The following MICU1 variants were observed in gnomAD, a reference collection of about 807,000 sequenced individuals.
MICU1 encodes mitochondrial calcium uptake 1.
In MICU1, 45 loss-of-function variants were observed where a neutral mutation model predicts 56.8. The observed-to-expected ratio is 0.79, with a 90% CI of 0.62 to 1.02. MICU1 has a LOEUF of 1.02. Ranked by LOEUF, MICU1 falls within the 50% of genes least tolerant of loss-of-function variation. MICU1 has a pLI of 0.00. For synonymous variants in MICU1, 186 were observed against 195.1 expected (o/e 0.95, Z 0.39); for missense variants, 504 against 587.1 (o/e 0.86, Z 1.46).
chr10:72,504,405 G>A (rs1032614186), intron 6 of MICU1, among the ~76,000 whole-genome samples: 3 of 152,088 alleles, frequency 2.0e-5, no homozygotes, highest in African/African-American at 4.8e-5. Context: ...AAATGGTGCA[G>A]AGATAACTAG....
At chr10:72,511,889 T>C (rs1190955206) in intron 5 of MICU1, among the ~76,000 whole-genome samples, 1 of 152,130 alleles carries the variant, frequency 6.6e-6, no homozygotes, top group Non-Finnish European at 1.5e-5. Context: ...CCCTAGCTGA[T>C]TGGGTGGTGC....
chr10:72,604,487 G>C (rs1249781061), intron 1 of MICU1, among the ~76,000 whole-genome samples: 2 of 151,546 alleles, frequency 1.3e-5, no homozygotes, highest in Non-Finnish European at 2.9e-5. Context: ...TGGTCAGGCT[G>C]GTCTCAAACT....
intron 5 of MICU1, chr10:72,532,997 T>C (rs1403595770): frequency 7.8e-7 from 1 of 1,287,030 alleles, no homozygotes; most frequent in Non-Finnish European, 1.0e-6. Flanking sequence ...GATCCTGCCT[T>C]TTCCAGCCAC....
intron 3 of MICU1, among the ~76,000 whole-genome samples, chr10:72,553,313 A>C (rs1394334361): frequency 1.3e-5 from 2 of 150,318 alleles, no homozygotes; most frequent in Non-Finnish European, 3.0e-5. Context: ...GGCTCACTGC[A>C]AGCTCTACCT....
chr10:72,373,280 A>T (rs1862408205), intron 11 of MICU1, among the ~76,000 whole-genome samples: 1 of 151,938 alleles, frequency 6.6e-6, no homozygotes, highest in African/African-American at 2.4e-5. Context: ...CCTGGGCTCA[A>T]GTGATCCTCA....
intron 1 of MICU1, among the ~76,000 whole-genome samples, chr10:72,622,439 A>G (rs1842127868): frequency 6.6e-6 from 1 of 152,116 alleles, no homozygotes; most frequent in South Asian, 2.1e-4. Context: ...CTAGCCACAC[A>G]AAGCATTCCA....
chr10:72,534,345 T>C (rs1839570670), intron 4 of MICU1, among the ~76,000 whole-genome samples: 1 of 152,184 alleles, frequency 6.6e-6, no homozygotes, highest in Non-Finnish European at 1.5e-5. Context: ...TAAGTGACTA[T>C]ATTCGGTGGC....
At chr10:72,544,652 T>C (rs1444984882) in intron 4 of MICU1, among the ~76,000 whole-genome samples, 2 of 152,140 alleles carry the variant, frequency 1.3e-5, no homozygotes, top group Admixed American at 6.5e-5. Context: ...GTTACTGCAA[T>C]AGCAAGCACC....
chr10:72,421,377 C>T lies in MICU1; in HGVS notation c.1071+1857G>A, dbSNP rs190142047. On this transcript the variant is annotated intron_variant, in intron 9 of 11. Transcript: ENST00000361114. ...GCACCCTCCCTTCCCCGGGTTCAAG[C>T]GATTCTCCTGCCTCAGCCTCCTGAG... Among the ~76,000 whole-genome samples the T allele has an allele frequency of 8.8e-3, 1,332 of 151,664 alleles. 18 individuals are homozygous for T. The highest frequency in any genetic ancestry group is 0.014 in the Non-Finnish European group (948 of 67,848).
chr10:72,545,114 T>C (rs1839866127), intron 4 of MICU1, among the ~76,000 whole-genome samples: 1 of 152,208 alleles, frequency 6.6e-6, no homozygotes, highest in African/African-American at 2.4e-5. Flanking sequence ...CTCATTTTTT[T>C]CCTTATCTCA....
intron 8 of MICU1, among the ~76,000 whole-genome samples, chr10:72,474,460 A>C (rs1239761105): frequency 6.6e-6 from 1 of 152,100 alleles, no homozygotes; most frequent in East Asian, 1.9e-4. Flanking sequence ...CTAAACTTTA[A>C]ATGGAAAAGT....
chr10:72,443,940 C>T (rs1258437321), intron 8 of MICU1, among the ~76,000 whole-genome samples: 23 of 150,806 alleles, frequency 1.5e-4, no homozygotes, highest in African/African-American at 5.5e-4. Flanking sequence ...TATTGCAGCA[C>T]TATTCACAAT....
chr10:72,384,687 A>T (rs1862829876), intron 10 of MICU1, among the ~76,000 whole-genome samples: 1 of 152,226 alleles, frequency 6.6e-6, no homozygotes. Flanking sequence ...TGGGAAAATA[A>T]ACCAGGCCTC....
At chr10:72,389,550 T>C (rs1863000141) in intron 10 of MICU1, among the ~76,000 whole-genome samples, 1 of 152,194 alleles carries the variant, frequency 6.6e-6, no homozygotes, top group African/African-American at 2.4e-5. Flanking sequence ...AGGCCAACTA[T>C]GCCATAAATT....
intron 5 of MICU1, 80 bp from the exon 6 acceptor site, chr10:72,508,349 T>C: frequency 1.8e-6 from 1 of 548,510 alleles, no homozygotes; most frequent in Non-Finnish European, 3.2e-6. Context: ...TGAATCACCA[T>C]TTATCTGACA....
intron 1 of MICU1, among the ~76,000 whole-genome samples, chr10:72,572,072 C>G (rs181486954): frequency 5.3e-5 from 8 of 151,176 alleles, no homozygotes; most frequent in Non-Finnish European, 1.0e-4. Flanking sequence ...AAGATCTGGT[C>G]TCAACTGTAC....
chr10:72,597,227 T>C (rs944090814), intron 1 of MICU1, among the ~76,000 whole-genome samples: 33 of 152,148 alleles, frequency 2.2e-4, no homozygotes, highest in Non-Finnish European at 3.5e-4. Context: ...GAATACTCAA[T>C]TACACCCACA....
chr10:72,534,587 T>A (rs934538327), intron 4 of MICU1, among the ~76,000 whole-genome samples: 16 of 152,210 alleles, frequency 1.1e-4, no homozygotes, highest in African/African-American at 3.6e-4. Context: ...GAGAAATTAG[T>A]ACTCAGTTAC....
chr10:72,458,098 C>T (rs1276063982), intron 8 of MICU1, among the ~76,000 whole-genome samples: 13 of 150,688 alleles, frequency 8.6e-5, no homozygotes, highest in Admixed American at 5.3e-4. Flanking sequence ...ACCTGGGAGG[C>T]GGAGGTTGCA....
Sources: allele counts gnomAD v4.1 joint callset (sites outside exome capture counted in the v4.1 genomes callset), GRCh38; gene constraint gnomAD v4.1.1; transcripts MANE v1.5; gene names NCBI Gene and HGNC (gene_info 2026-07-23, HGNC 2026-07-21).